SH3TC2: variants seen among roughly 807,000 people sequenced by gnomAD.
SH3TC2 encodes SH3 domain and tetratricopeptide repeats 2, also known as SH3 domain and tetratricopeptide repeat-containing protein 2.
Under a neutral mutation model 124.5 loss-of-function variants are expected in SH3TC2, and 87 were observed. The ratio of observed to expected loss-of-function variants is 0.70; its 90% CI spans 0.59 to 0.84. The LOEUF (loss-of-function observed/expected upper bound fraction) is 0.84, where lower values mean the gene tolerates loss of function less well. SH3TC2 is among the 40% of genes least tolerant of loss of function. The pLI is 0.00. For missense variants in SH3TC2, 1,536 were observed against 1,566.4 expected, an observed-to-expected ratio of 0.98 and a Z score of 0.33; for synonymous variants, 634 against 628.5, an observed-to-expected ratio of 1.01 and a Z score of -0.13.
rs967091363 is a variant in SH3TC2, at chr5:148,999,112, A to T, written c.*5599T>A. Among the ~76,000 whole-genome samples, 2 of 152,232 alleles carry T rather than the reference A, an allele frequency of 1.3e-5. No homozygotes were observed. The highest frequency in any genetic ancestry group is 4.8e-5 in the African/African-American group (2 of 41,460). On this transcript the variant is annotated 3_prime_UTR_variant, in exon 17 of 17. Coordinates refer to ENST00000515425, the MANE Select transcript of SH3TC2 (RefSeq NM_024577.4). ...AAAGTCTGAGCAGAGGAATAATTGA[A>T]GCTTAAAGAGGTAAAGTAAGTTGCT... is the stretch of plus-strand genomic sequence containing the variant.
chr5:149,038,942 T>C (rs1754326874), intron 7 of SH3TC2, among the ~76,000 whole-genome samples: 1 of 152,180 alleles, frequency 6.6e-6, no homozygotes, highest in Admixed American at 6.5e-5. Context: ...TCCTTCCAGC[T>C]CCTTTGGCCT....
intron 16 of SH3TC2, 72 bp downstream of exon 16, chr5:149,006,809 C>A: frequency 2.7e-6 from 4 of 1,477,328 alleles, no homozygotes; most frequent in South Asian, 1.1e-5. Context: ...AAAGGCTCCT[C>A]ATTGTCTTTG....
Position 149,004,295 on chromosome 5 carries a change from T to C in SH3TC2, c.*416A>G, listed in dbSNP as rs1392895310. On this transcript the variant is annotated 3_prime_UTR_variant, in exon 17 of 17. Coordinates refer to ENST00000515425, the MANE Select transcript of SH3TC2 (RefSeq NM_024577.4). Reference sequence around the variant, plus strand: ...TCTGCTGGCAAGGGGAAGGGGTCTTTCCCTGAGAAAATCGGTGAAGAGCAC... The same window carrying C: ...TCTGCTGGCAAGGGGAAGGGGTCTTCCCCTGAGAAAATCGGTGAAGAGCAC... The C allele has an allele frequency of 5.1e-6, 1 of 194,196 alleles. No homozygotes were observed. Among genetic ancestry groups the C allele is most frequent in the Non-Finnish European group, 1.1e-5 (1 of 93,078 alleles). 12.0% of individuals were successfully genotyped at this position (194,196 alleles called of 1,614,324 possible).
Position 148,988,245 on chromosome 5 carries a change from A to T in SH3TC2, c.*16466T>A, listed in dbSNP as rs886715678. On this transcript the variant is annotated 3_prime_UTR_variant, in exon 17 of 17. Coordinates refer to ENST00000515425, the MANE Select transcript of SH3TC2 (RefSeq NM_024577.4). ...TACTCCTTCTCCCATGGACATGAAA[A>T]TCATTATCAAAAATCCTACCCCAGA... Among the ~76,000 whole-genome samples, 6 of 152,152 alleles carry T rather than the reference A, an allele frequency of 3.9e-5. No homozygotes were observed. Among genetic ancestry groups the T allele is most frequent in the Non-Finnish European group, 7.3e-5 (5 of 68,032 alleles).
At chr5:149,036,656 C>A (rs572926867) in intron 8 of SH3TC2, among the ~76,000 whole-genome samples, 1 of 152,282 alleles carries the variant, frequency 6.6e-6, no homozygotes, top group African/African-American at 2.4e-5. Context: ...CTCCTTCATC[C>A]CTGGGGTCCT....
rs1753539482 is a variant in SH3TC2 at position 148,998,059 on chromosome 5, T to C, written c.*6652A>G. ...AGGTCAGCACTTTTCAAACTACAGG[T>C]TAATGAGTGAGAAATTCATTTGGTG... On this transcript the variant is annotated 3_prime_UTR_variant, in exon 17 of 17. Coordinates refer to ENST00000515425, the MANE Select transcript of SH3TC2 (RefSeq NM_024577.4). Among the ~76,000 whole-genome samples, 3 of 152,226 alleles carry C rather than the reference T, an allele frequency of 2.0e-5. No homozygotes were observed. The highest frequency in any genetic ancestry group is 1.5e-5 in the Non-Finnish European group (1 of 68,036).
chr5:149,045,848 T>G (rs1174559240), intron 3 of SH3TC2: 1 of 223,210 alleles, frequency 4.5e-6, no homozygotes, highest in African/African-American at 2.4e-5. Context: ...GGTTTCACCA[T>G]GTTGGCCAGG....
chr5:149,058,015 C>T (rs1353182972), intron 1 of SH3TC2, among the ~76,000 whole-genome samples: 25 of 152,158 alleles, frequency 1.6e-4, no homozygotes, highest in Admixed American at 1.6e-3. Context: ...GGAGCTGTGG[C>T]ACCCACCACA....
rs1018679083 is a variant in SH3TC2 at position 148,992,385 on chromosome 5, T to A, written c.*12326A>T. On this transcript the variant is annotated 3_prime_UTR_variant, in exon 17 of 17. Transcript: ENST00000515425. Reference sequence around the variant, plus strand: ...TTCTGGATGTCTCCATTTTTATCCATAAGCAGTATGTATGTCAGTTCTCAG... The same window carrying A: ...TTCTGGATGTCTCCATTTTTATCCAAAAGCAGTATGTATGTCAGTTCTCAG... 7.2e-5 allele frequency among the ~76,000 whole-genome samples: 11 copies of A among 152,200 alleles called. No homozygotes were observed. The highest frequency in any genetic ancestry group is 1.2e-4 in the Non-Finnish European group (8 of 68,028).
intron 2 of SH3TC2, 117 bp from the exon 3 acceptor site, chr5:149,048,106 A>C: frequency 1.4e-6 from 2 of 1,420,748 alleles, no homozygotes; most frequent in Non-Finnish European, 9.9e-7. Flanking sequence ...TGGTGTCCTC[A>C]TTAGTTACAG....
In SH3TC2 at chr5:148,986,392, G is replaced by A. The variant is rs998263623; in HGVS notation, c.*18319C>T. On this transcript the variant is annotated 3_prime_UTR_variant, in exon 17 of 17. Transcript: ENST00000515425. ...CTTCCATTAGGTCCCAGCTCTAAAT[G>A]ATAGACTTAGTGAGAAAACGGAAGC... Among the ~76,000 whole-genome samples the A allele has an allele frequency of 2.0e-5, 3 of 152,152 alleles. No homozygotes were observed. The highest frequency in any genetic ancestry group is 7.2e-5 in the African/African-American group (3 of 41,448).
At chr5:149,021,265 T>C (rs1438519666) in intron 12 of SH3TC2, among the ~76,000 whole-genome samples, 1 of 152,094 alleles carries the variant, frequency 6.6e-6, no homozygotes, top group East Asian at 1.9e-4. Context: ...TACTGAAATA[T>C]ATAAAATGGC....
At chr5:149,040,732 G>T (rs1754355936) in intron 6 of SH3TC2, 55 bp from the exon 7 acceptor site, 1 of 1,355,472 alleles carries the variant, frequency 7.4e-7, no homozygotes, top group South Asian at 1.2e-5. Flanking sequence ...TTGCAACAAT[G>T]AACAGAACAG....
In SH3TC2 at chr5:148,983,250, C is replaced by G. The variant is rs1028662763; in HGVS notation, c.*21461G>C. Among the ~76,000 whole-genome samples, 1 of 152,214 alleles carries G rather than the reference C, an allele frequency of 6.6e-6. No individual in the cohort carries two copies. The highest frequency in any genetic ancestry group is 2.4e-5 in the African/African-American group (1 of 41,454). ...CGTTTGTTTGTTTTTCAAATTGCCACTTACCATTTTTAGTACAAATTCCTT... is the reference window on the plus strand; with the variant it reads ...CGTTTGTTTGTTTTTCAAATTGCCAGTTACCATTTTTAGTACAAATTCCTT... On this transcript the variant is annotated 3_prime_UTR_variant, in exon 17 of 17. Transcript: ENST00000515425.
At chr5:149,009,024 C>T (rs367992641) in intron 14 of SH3TC2, 23 bp from the exon 15 acceptor site, 6 of 1,614,014 alleles carry the variant, frequency 3.7e-6, no homozygotes, top group Admixed American at 1.7e-5. Flanking sequence ...GCCCAAGGAA[C>T]CTTAGTCTAG....
At chr5:149,010,881 AC>A (rs745565228) in intron 13 of SH3TC2, among the ~76,000 whole-genome samples, 7 of 152,208 alleles carry the variant, frequency 4.6e-5, no homozygotes, top group African/African-American at 7.2e-5. Flanking sequence ...ATAGTGATCC[AC>A]TTCAACATCT....
chr5:149,062,560 C>G (rs1754771480), intron 1 of SH3TC2, among the ~76,000 whole-genome samples: 1 of 152,202 alleles, frequency 6.6e-6, no homozygotes, highest in African/African-American at 2.4e-5. Flanking sequence ...AACAGCAACC[C>G]TGACAAAAAT....
Position 149,027,466 on chromosome 5 carries a change from G to T in SH3TC2, c.2266C>A (p.Gln756Lys). The T allele has an allele frequency of 8.7e-6, 14 of 1,614,212 alleles. No homozygotes were observed. The highest frequency in any genetic ancestry group is 1.2e-5 in the Non-Finnish European group (14 of 1,180,050). Residue 756 changes from glutamine to lysine, a missense_variant, in exon 11 of 17, where the codon CAG becomes AAG. By Grantham distance (53) the Gln-to-Lys change is moderately conservative. This residue lies in a region of SH3TC2 where 1,102 missense variants were observed against 1,098.6 expected (regional missense o/e 1.00). Transcript: ENST00000515425. Reference protein sequence around the residue: ...ACEELADRSTQRALCLILSKV... With the variant: ...ACEELADRSTKRALCLILSKV... ...GAAAGGATGAGACACAGGGCCCTCTGGGTGCTCCGGTCTGCTAGTTCCTCA... is the reference window on the plus strand; with the variant it reads ...GAAAGGATGAGACACAGGGCCCTCTTGGTGCTCCGGTCTGCTAGTTCCTCA...
chr5:149,030,627 G>C (rs1173101674), intron 9 of SH3TC2, among the ~76,000 whole-genome samples: 1 of 152,252 alleles, frequency 6.6e-6, no homozygotes, highest in Non-Finnish European at 1.5e-5. Flanking sequence ...TGCTAGGGCA[G>C]GGTGCTTATG....
Sources: allele counts gnomAD v4.1 joint callset (sites outside exome capture counted in the v4.1 genomes callset), GRCh38; gene constraint gnomAD v4.1.1; regional missense constraint gnomAD v4.1.1; transcripts MANE v1.5; gene names NCBI Gene and HGNC (gene_info 2026-07-23, HGNC 2026-07-21).